MED24: variants seen among roughly 807,000 people sequenced by gnomAD.
MED24 encodes mediator complex subunit 24.
MED24 carries 74 observed loss-of-function variants against 118.8 expected under a neutral mutation model. The observed-to-expected ratio is 0.62, with a 90% CI of 0.52 to 0.76. The LOEUF is 0.76. Among genes scored for constraint, MED24 ranks in the 30% least tolerant of loss-of-function variants. MED24 has a pLI of 0.00. For synonymous variants in MED24, 521 were observed against 523.9 expected (o/e 0.99, Z 0.08); for missense variants, 1,041 against 1,278.9 (o/e 0.81, Z 2.84).
At chr17:40,053,799 T>A in intron 1 of MED24, 164 bp from the exon 2 acceptor site, 1 of 928,724 alleles carries the variant, frequency 1.1e-6, no homozygotes, top group Non-Finnish European at 1.6e-6. Flanking sequence ...CCTGTCAGAC[T>A]CTCTCCTCCT....
Position 40,028,147 on chromosome 17 carries a change from G to T in MED24, c.1410-201C>A. 5.6e-6 allele frequency: 3 copies of T among 531,768 alleles called. No individual in the cohort carries two copies. In the South Asian group the frequency reaches 6.2e-5, roughly 11 times the overall value. The allele number at this position is 531,768 out of a possible 1,614,324, so 32.9% of individuals were successfully genotyped here. On this transcript the variant is annotated intron_variant, in intron 14 of 25. Transcript: ENST00000394128. ...TTTGTTTTTTTTGAGAAAGAGTCTC[G>T]CTCTGTCACCCAGGCTGGAGTGCAG...
chr17:40,026,457 TC>T, intron 18 of MED24, 126 bp from the exon 19 acceptor site: 1 of 1,285,724 alleles, frequency 7.8e-7, no homozygotes. Flanking sequence ...CACACCTCTC[TC>T]CACAAGTTTG....
At position 40,022,063 on chromosome 17, in the gene MED24, A is replaced by G; in HGVS notation, c.2524-9T>C. On this transcript the variant is annotated splice_polypyrimidine_tract_variant and intron_variant, in intron 22 of 25. Transcript: ENST00000394128. ...AAGAGGCTGATATAATCCTAGAGGG[A>G]GTGAAAGTCACTGTTATACACCCCT... The G allele has an allele frequency of 6.3e-7, 1 of 1,583,848 alleles. No homozygotes were observed. Among genetic ancestry groups the G allele is most frequent in the Non-Finnish European group, 8.6e-7 (1 of 1,163,244 alleles).
At chr17:40,032,793 A>T in intron 8 of MED24, 31 bp from the exon 9 acceptor site, 1 of 1,586,706 alleles carries the variant, frequency 6.3e-7, no homozygotes, top group South Asian at 1.1e-5. Context: ...GAGGCCTAAG[A>T]GGGTGCCCAT....
chr17:40,033,732 G>GGTGCAT lies in MED24; in HGVS notation c.560-277_560-276insATGCAC. 1.7e-6 allele frequency: 1 copy of GGTGCAT among 581,746 alleles called. No individual in the cohort carries two copies. The allele number at this position is 581,746 out of a possible 1,614,324, so 36.0% of individuals were successfully genotyped here. On this transcript the variant is annotated intron_variant, in intron 6 of 25. Coordinates refer to ENST00000394128, the MANE Select transcript of MED24 (RefSeq NM_014815.4). This position sits in a 1 kb window ranked among gnomAD's most constrained non-coding sequence, Gnocchi z 5.2. The stretch of plus-strand genomic sequence containing the variant: ...CTTCAGAAGGTATGGCATCACACAG[G>GGTGCAT]CTCAGGAGAGAGAGGCAGAGGGAGG...
chr17:40,042,592 A>C (rs1317161193), intron 3 of MED24, among the ~76,000 whole-genome samples: 1 of 152,044 alleles, frequency 6.6e-6, no homozygotes, highest in African/African-American at 2.4e-5. Context: ...GAATTGCTTG[A>C]TGCTTGAACC....
chr17:40,044,796 G>A (rs939355840), intron 3 of MED24, among the ~76,000 whole-genome samples: 8 of 146,886 alleles, frequency 5.4e-5, no homozygotes, highest in East Asian at 2.1e-4. Flanking sequence ...GGAGAATGGC[G>A]TGAATCCAGG....
In MED24 at chr17:40,027,403, C is replaced by T; in HGVS notation, c.1510G>A (p.Ala504Thr). 1 of 1,613,694 alleles carries T rather than the reference C, an allele frequency of 6.2e-7. No homozygotes were observed. The highest frequency in any genetic ancestry group is 1.1e-5 in the South Asian group (1 of 90,974). Residue 504 changes from alanine (A) to threonine (T), a missense_variant, in exon 16 of 26, where the codon GCC (alanine) becomes ACC (threonine). Ala to Thr is a moderately conservative substitution (Grantham distance 58, BLOSUM62 0). Transcript: ENST00000394128. Reference sequence around the variant, plus strand: ...CTCACCTCTGAACCATAGGTCTGGGCCACATGGCACAGCATGAGGAAGGAG... The same window carrying T: ...CTCACCTCTGAACCATAGGTCTGGGTCACATGGCACAGCATGAGGAAGGAG... ...DISFLMLCHV[A>T]QTYGSEVILS...
At chr17:40,027,696 GA>G (rs1915208702) in intron 15 of MED24, 2 of 673,400 alleles carry the variant, frequency 3.0e-6, no homozygotes, top group Non-Finnish European at 5.1e-6. Flanking sequence ...GTAAAGGGAT[GA>G]GGGGGGGAAG....
chr17:40,052,547 C>T (rs1286507150), intron 3 of MED24, among the ~76,000 whole-genome samples: 1 of 152,190 alleles, frequency 6.6e-6, no homozygotes, highest in African/African-American at 2.4e-5. Context: ...CACATAAAAG[C>T]ATTCATGAGT....
chr17:40,020,841 G>A (rs532183108), intron 23 of MED24, among the ~76,000 whole-genome samples: 19 of 152,266 alleles, frequency 1.2e-4, no homozygotes, highest in African/African-American at 3.9e-4. Flanking sequence ...GGGAGGCCAA[G>A]GCGGGTGGAT....
intron 19 of MED24, 126 bp downstream of exon 19, chr17:40,026,030 G>T: frequency 1.0e-6 from 1 of 962,582 alleles, no homozygotes; most frequent in Non-Finnish European, 1.6e-6. Context: ...GCATGAATAG[G>T]AAAGTGAGTG....
At chr17:40,035,398 T>G in intron 5 of MED24, 49 bp from the exon 6 acceptor site, 1 of 1,513,736 alleles carries the variant, frequency 6.6e-7, no homozygotes, top group Non-Finnish European at 8.9e-7. Context: ...ATGGCTGAAA[T>G]CCGACCCACA....
chr17:40,031,956 T>G (rs1433373608), intron 10 of MED24, 87 bp downstream of exon 10: 598 of 1,438,982 alleles, frequency 4.2e-4, no homozygotes, highest in Non-Finnish European at 5.3e-4. Flanking sequence ...CTTCCAGGCA[T>G]GAGAACACTG....
At chr17:40,047,267 G>T (rs986708441) in intron 3 of MED24, among the ~76,000 whole-genome samples, 4 of 152,184 alleles carry the variant, frequency 2.6e-5, no homozygotes, top group Admixed American at 1.3e-4. Flanking sequence ...GTGGGAGAGG[G>T]GAGTGGACTA....
At position 40,028,115 on chromosome 17, in the gene MED24, TTTTTTTTTTG is replaced by T. The variant is rs936537325; in HGVS notation, c.1410-179_1410-170del. 8.4e-6 allele frequency: 5 copies of T among 594,128 alleles called. No homozygotes were observed. In the African/African-American group the frequency reaches 1.0e-4, roughly 12 times the overall value. 36.8% of individuals were successfully genotyped at this position (594,128 alleles called of 1,614,324 possible). A position where few individuals can be genotyped will look rare whatever the true frequency, so the allele number is the denominator to read the frequency against. ...AGGTTTTTGTGGTTTTTGTTTTTTGTTTTTTTTTTGTTTTTTTTGAGAAAGAGTCTCGCTC... is the reference window on the plus strand; with the variant it reads ...AGGTTTTTGTGGTTTTTGTTTTTTGTTTTTTTTTGAGAAAGAGTCTCGCTC... On this transcript the variant is annotated intron_variant, in intron 14 of 25. Transcript: ENST00000394128.
Position 40,019,909 on chromosome 17 carries a change from G to C in MED24, c.2729C>G (p.Ser910Cys). 1 of 1,570,580 alleles carries C rather than the reference G, an allele frequency of 6.4e-7. No individual in the cohort carries two copies. Among genetic ancestry groups the C allele is most frequent in the Non-Finnish European group, 8.6e-7 (1 of 1,157,000 alleles). Reference protein sequence around the residue: ...VLANLFLLISSILGSRTAGPH... With the variant: ...VLANLFLLISCILGSRTAGPH... Reference sequence around the variant, plus strand: ...GCCAGCGGTGCGAGACCCCAGGATGGAGGAGATGAGCAGGAACAGGTTGGC... The same window carrying C: ...GCCAGCGGTGCGAGACCCCAGGATGCAGGAGATGAGCAGGAACAGGTTGGC... The change falls in exon 25 of 26, where the codon TCC becomes TGC. Residue 910 changes from serine (S) to cysteine (C), a missense_variant. By Grantham distance (112) the Ser-to-Cys change is moderately radical (BLOSUM62 -1). Coordinates refer to ENST00000394128, the MANE Select transcript of MED24 (RefSeq NM_014815.4).
At chr17:40,023,652 C>T in intron 19 of MED24, 1 of 436,636 alleles carries the variant, frequency 2.3e-6, no homozygotes, top group Non-Finnish European at 4.0e-6. Context: ...CCTGGCCATT[C>T]CAGCCAGATA....
intron 14 of MED24, among the ~76,000 whole-genome samples, chr17:40,028,543 A>G (rs115470523): frequency 0.014 from 1,995 of 144,580 alleles, 37 homozygotes; most frequent in African/African-American, 0.047. Context: ...CCTTATTAAT[A>G]ACTGGGCATA....
Sources: allele counts gnomAD v4.1 joint callset (sites outside exome capture counted in the v4.1 genomes callset), GRCh38; gene constraint gnomAD v4.1.1; non-coding constraint Gnocchi (gnomAD v3.1); transcripts MANE v1.5; gene names NCBI Gene and HGNC (gene_info 2026-07-23, HGNC 2026-07-21).